The following OAS3 variants were observed in gnomAD, a reference collection of about 807,000 sequenced individuals.
OAS3 encodes 2'-5'-oligoadenylate synthase 3.
OAS3 carries 107 observed loss-of-function variants against 113.0 expected under a neutral mutation model. That is an observed-to-expected ratio of 0.95 (90% CI 0.81 to 1.11). The LOEUF is 1.11. OAS3 is among the 50% of genes most tolerant of loss of function. The pLI is 0.00. For missense variants in OAS3, 1,258 were observed against 1,389.1 expected (o/e 0.91, Z 1.50); for synonymous variants, 552 against 573.6 (o/e 0.96, Z 0.54).
chr12:112,955,084 T>C (rs1346047429), intron 7 of OAS3, among the ~76,000 whole-genome samples: 1 of 152,228 alleles, frequency 6.6e-6, no homozygotes, highest in East Asian at 1.9e-4. Context: ...TTTGAAGCAA[T>C]TGTGAATGGG....
At chr12:112,941,424 G>T (rs2043678366) in intron 1 of OAS3, 146 bp from the exon 2 acceptor site, 3 of 775,360 alleles carry the variant, frequency 3.9e-6, no homozygotes, top group African/African-American at 3.4e-5. Context: ...GCTACCCTGG[G>T]CCCACATTCC....
chr12:112,968,186 C>A lies in OAS3; in HGVS notation c.3104+12C>A. The A allele has an allele frequency of 1.9e-6, 3 of 1,602,404 alleles. No individual in the cohort carries two copies. Among genetic ancestry groups the A allele is most frequent in the Non-Finnish European group, 2.6e-6 (3 of 1,172,398 alleles). On this transcript the variant is annotated intron_variant, in intron 14 of 15. Coordinates refer to ENST00000228928, the MANE Select transcript of OAS3 (RefSeq NM_006187.4). ...CTTCAGAAGCCCAGGTTCAGGTCTA[C>A]CCCCAATGTTCCAGAATTTCAAACC...
Position 112,969,756 on chromosome 12 carries a change from G to C in OAS3, c.3252+1G>C, listed in dbSNP as rs190686705. 4 of 1,612,124 alleles carry C rather than the reference G, an allele frequency of 2.5e-6. No individual in the cohort carries two copies. The South Asian group carries it at 4.4e-5, about 18-fold the overall frequency. ...CCCCATCCAGCCATGGCCAGTGAAG[G>C]TGAGAGATCTGTGGTGCCAAAGGAA... is the stretch of plus-strand genomic sequence containing the variant. On this transcript the variant is annotated splice_donor_variant, in intron 15 of 15. Coordinates refer to ENST00000228928, the MANE Select transcript of OAS3 (RefSeq NM_006187.4). LOFTEE classifies it high-confidence loss of function.
In OAS3 at chr12:112,954,036, T is replaced by G. The variant is rs1158460181; in HGVS notation, c.1657+3061T>G. Among the ~76,000 whole-genome samples the G allele has an allele frequency of 6.6e-6, 1 of 152,226 alleles. No individual in the cohort carries two copies. Among genetic ancestry groups the G allele is most frequent in the African/African-American group, 2.4e-5 (1 of 41,458 alleles). On this transcript the variant is annotated intron_variant, in intron 7 of 15. Coordinates refer to ENST00000228928, the MANE Select transcript of OAS3 (RefSeq NM_006187.4). The surrounding 1 kb of genome is among the most constrained non-coding windows in gnomAD (Gnocchi z 4.0). The stretch of plus-strand genomic sequence containing the variant: ...GTTTTGGCTTCTGTTGCCATTGCTT[T>G]TGGTGTTTTAGTCATGAAGTCCTTG...
chr12:112,960,123 T>G (rs2043869509), intron 7 of OAS3, among the ~76,000 whole-genome samples: 1 of 152,144 alleles, frequency 6.6e-6, no homozygotes, highest in African/African-American at 2.4e-5. Context: ...CCTGTGGAAG[T>G]TCCTTGTGCC....
rs764303296 is a variant in OAS3, at chr12:112,969,760, G to C, written c.3252+5G>C. The C allele has an allele frequency of 1.9e-5, 30 of 1,611,464 alleles. No individual in the cohort carries two copies. Among genetic ancestry groups the C allele is most frequent in the Middle Eastern group, 3.7e-4 (2 of 5,358 alleles). On this transcript the variant is annotated splice_donor_5th_base_variant and intron_variant, in intron 15 of 15. Transcript: ENST00000228928. ...ATCCAGCCATGGCCAGTGAAGGTGA[G>C]AGATCTGTGGTGCCAAAGGAAGTAC...
intron 2 of OAS3, 134 bp downstream of exon 2, chr12:112,941,986 C>G (rs1214066974): frequency 9.2e-7 from 1 of 1,087,356 alleles, no homozygotes; most frequent in South Asian, 1.3e-5. Flanking sequence ...CAGCCTCAGT[C>G]TGGGGACTAA....
rs146812577 is a variant in OAS3 at position 112,946,863 on chromosome 12, C to G, written c.757C>G (p.Arg253Gly). The change falls in exon 4 of 16, where the codon CGA becomes GGA. Residue 253 changes from arginine to glycine, a missense_variant. Arg to Gly is a moderately radical substitution (Grantham distance 125, BLOSUM62 -2). Transcript: ENST00000228928. ...KDAFSLAEGL[R>G]TVLGLIQQHQ... is the part of the protein sequence containing the mutation. ...TGCTTTCAGCCTAGCCGAAGGCCTC[C>G]GAACTGTCCTGGGCCTGATCCAACA... 8 of 1,613,984 alleles carry G rather than the reference C, an allele frequency of 5.0e-6. No homozygotes were observed. The highest frequency in any genetic ancestry group is 2.2e-5 in the East Asian group (1 of 44,880).
In OAS3 at chr12:112,966,011, C is replaced by T. The variant is rs756682565; in HGVS notation, c.2671C>T (p.Pro891Ser). 1.9e-6 allele frequency: 3 copies of T among 1,614,012 alleles called. No homozygotes were observed. Among genetic ancestry groups the T allele is most frequent in the South Asian group, 2.2e-5 (2 of 91,084 alleles). Residue 891 changes from proline to serine, a missense_variant, in exon 12 of 16, where the codon CCA (proline) becomes TCA (serine). Pro to Ser is a moderately conservative substitution (Grantham distance 74). Transcript: ENST00000228928. ...CCAGAGTGTGGACTTTGATGTGCTG[C>T]CAGCCTTTGACGCCCTAGGTGAGGT... ...LDQSVDFDVL[P>S]AFDALGQLVS...
chr12:112,963,207 G>A lies in OAS3; in HGVS notation c.2085-106G>A. The A allele has an allele frequency of 9.0e-6, 12 of 1,336,584 alleles. No individual in the cohort carries two copies. The highest frequency in any genetic ancestry group is 1.2e-5 in the Non-Finnish European group (12 of 1,000,992). 82.8% of individuals were successfully genotyped at this position (1,336,584 alleles called of 1,614,324 possible). A position where few individuals can be genotyped will look rare whatever the true frequency, so the allele number is the denominator to read the frequency against. On this transcript the variant is annotated intron_variant, in intron 9 of 15. Transcript: ENST00000228928. The surrounding 1 kb of genome is among the most constrained non-coding windows in gnomAD (Gnocchi z 4.6). ...TTGGGCAAGACTGAGCCAACCCTGA[G>A]GTCCTGACACTCTTTCCAGCCCTCA...
intron 6 of OAS3, 183 bp from the exon 7 acceptor site, chr12:112,950,510 G>C (rs1234942048): frequency 1.5e-6 from 1 of 670,856 alleles, no homozygotes; most frequent in East Asian, 2.7e-5. Flanking sequence ...GATACAACTT[G>C]ACTCTCTGTC....
At chr12:112,947,024 CA>C (rs777667391) in intron 4 of OAS3, 43 bp downstream of exon 4, 19 of 1,539,266 alleles carry the variant, frequency 1.2e-5, no homozygotes, top group Non-Finnish European at 1.6e-5. Context: ...GTCCCGGGGC[CA>C]GGGGGAGATA....
chr12:112,965,177 G>A (rs2136360092), intron 11 of OAS3, among the ~76,000 whole-genome samples: 1 of 152,324 alleles, frequency 6.6e-6, no homozygotes, highest in East Asian at 1.9e-4. Context: ...AAGCCAGCCA[G>A]TGAACAGTGC....
chr12:112,943,606 T>A (rs189476141), intron 2 of OAS3, among the ~76,000 whole-genome samples: 11 of 152,332 alleles, frequency 7.2e-5, no homozygotes, highest in African/African-American at 2.4e-4. Context: ...TCTCTGTGCC[T>A]CAGCTTCCTC....
Position 112,972,304 on chromosome 12 carries a change from G to T in OAS3, c.*2331G>T, listed in dbSNP as rs1316186117. The T allele has an allele frequency of 6.6e-6, 1 of 152,224 alleles. No individual in the cohort carries two copies. Among genetic ancestry groups the T allele is most frequent in the Admixed American group, 6.5e-5 (1 of 15,286 alleles). 9.4% of individuals were successfully genotyped at this position (152,224 alleles called of 1,614,324 possible). A position where few individuals can be genotyped will look rare whatever the true frequency, so the allele number is the denominator to read the frequency against. Reference sequence around the variant, plus strand: ...AGGGCTTGCTCATCTGAACAGGGGTGTATTTCATTCCAGGCCCTCAGTCTT... The same window carrying T: ...AGGGCTTGCTCATCTGAACAGGGGTTTATTTCATTCCAGGCCCTCAGTCTT... On this transcript the variant is annotated 3_prime_UTR_variant, in exon 16 of 16. Transcript: ENST00000228928.
chr12:112,968,019 C>T lies in OAS3; in HGVS notation c.2949C>T (p.Gly983=), dbSNP rs761806832. 8 of 1,613,888 alleles carry T rather than the reference C, an allele frequency of 5.0e-6. No individual in the cohort carries two copies. The highest frequency in any genetic ancestry group is 4.5e-5 in the East Asian group (2 of 44,894). Residue 983 remains glycine (G), a synonymous_variant, in exon 14 of 16, where the codon GGC becomes GGT. Transcript: ENST00000228928. ...TGACTGTGTATGCCTGGGAGCAGGG[C>T]GGGAAGGACTCCCAGTTCAACATGG... The part of the protein sequence containing the change: ...ELLTVYAWEQ[G]GKDSQFNMAE...
chr12:112,951,839 C>CAAAA (rs3038125), intron 7 of OAS3, among the ~76,000 whole-genome samples: 3 of 105,704 alleles, frequency 2.8e-5, no homozygotes, highest in East Asian at 2.7e-4. Context: ...ACTAAAAATA[C>CAAAA]AAAAAAAAAA....
chr12:112,952,649 CAGAAATA>C (rs2043802376), intron 7 of OAS3, among the ~76,000 whole-genome samples: 1 of 152,162 alleles, frequency 6.6e-6, no homozygotes, highest in Non-Finnish European at 1.5e-5. Context: ...TTCCTTCTTA[CAGAAATA>C]CATCTTTTAG....
intron 7 of OAS3, among the ~76,000 whole-genome samples, chr12:112,960,206 A>C (rs1033025256): frequency 3.9e-5 from 6 of 152,164 alleles, no homozygotes; most frequent in African/African-American, 1.4e-4. Context: ...GAGTTTCACT[A>C]ATTCCCAGGC....
Sources: gnomAD v4.1 joint callset for allele counts (sites outside exome capture counted in the v4.1 genomes callset) on GRCh38, gnomAD v4.1.1 for gene constraint, Gnocchi (gnomAD v3.1) non-coding constraint, MANE v1.5 for transcripts, NCBI Gene and HGNC (gene_info 2026-07-23, HGNC 2026-07-21) for gene names.